The following KIF19 variants were observed in gnomAD, a reference collection of about 807,000 sequenced individuals.
KIF19 encodes the protein kinesin family member 19.
In KIF19, 98 loss-of-function variants were observed where a neutral mutation model predicts 106.6. The ratio of observed to expected loss-of-function variants is 0.92; its 90% CI spans 0.78 to 1.09. KIF19 has a LOEUF of 1.09. Ranked by LOEUF, KIF19 falls within the 50% of genes least tolerant of loss-of-function variation. The pLI is 0.00. For synonymous variants in KIF19, 516 were observed against 584.2 expected, an observed-to-expected ratio of 0.88 and a Z score of 1.68; for missense variants, 1,373 against 1,414.3, an observed-to-expected ratio of 0.97 and a Z score of 0.47.
At chr17:74,352,467 TC>T in intron 14 of KIF19, 127 bp downstream of exon 14, 1 of 1,217,428 alleles carries the variant, frequency 8.2e-7, no homozygotes, top group Non-Finnish European at 1.1e-6. Flanking sequence ...GGGAGTTGAC[TC>T]CCTTTCCTTC....
At chr17:74,342,869 C>T (rs1164877444) in intron 4 of KIF19, among the ~76,000 whole-genome samples, 152 bp downstream of exon 4, 7 of 152,136 alleles carry the variant, frequency 4.6e-5, no homozygotes, top group South Asian at 2.1e-4. Flanking sequence ...GGCCCCAACC[C>T]GAGCCGGGGC....
chr17:74,339,434 T>C (rs1162911840), intron 2 of KIF19, among the ~76,000 whole-genome samples: 1 of 151,870 alleles, frequency 6.6e-6, no homozygotes, highest in African/African-American at 2.4e-5. Flanking sequence ...GGGCTGCCCA[T>C]GCCCTACCTC....
intron 10 of KIF19, 105 bp downstream of exon 10, chr17:74,349,454 C>A: frequency 1.6e-6 from 2 of 1,245,438 alleles, no homozygotes; most frequent in Non-Finnish European, 2.2e-6. Context: ...CTCTTTCTGG[C>A]TGGGTGGTTG....
chr17:74,351,057 T>A, intron 12 of KIF19, 152 bp downstream of exon 12: 1 of 714,674 alleles, frequency 1.4e-6, no homozygotes, highest in Non-Finnish European at 2.4e-6. Context: ...CTCTTTAACT[T>A]CTCTATGCGT....
intron 8 of KIF19, 149 bp from the exon 9 acceptor site, chr17:74,347,628 G>C: frequency 1.2e-6 from 1 of 821,106 alleles, no homozygotes; most frequent in Non-Finnish European, 1.9e-6. Flanking sequence ...TTCCTCCCAA[G>C]CCTCACACCA....
chr17:74,342,980 CTCCCA>C, intron 4 of KIF19, 39 bp from the exon 5 acceptor site: 2 of 1,544,246 alleles, frequency 1.3e-6, no homozygotes, highest in Non-Finnish European at 1.7e-6. Context: ...CAAGGCCTCC[CTCCCA>C]GCCCCACCCC....
rs2054544671 is a variant in KIF19, at chr17:74,346,816, G to A, written c.924+292G>A. Among the ~76,000 whole-genome samples, 1 of 152,212 alleles carries A rather than the reference G, an allele frequency of 6.6e-6. No individual in the cohort carries two copies. Among genetic ancestry groups the A allele is most frequent in the African/African-American group, 2.4e-5 (1 of 41,458 alleles). On this transcript the variant is annotated intron_variant, in intron 8 of 19. Transcript: ENST00000389916. This position sits in a 1 kb window ranked among gnomAD's most constrained non-coding sequence, Gnocchi z 4.6. ...ACGTGATACCCCCACCCAGGGCTGT[G>A]GGTCAGAGCCGTCTAGATTTGGGGG... is the stretch of plus-strand genomic sequence containing the variant.
At chr17:74,335,378 AG>A (rs2054193856) in intron 2 of KIF19, among the ~76,000 whole-genome samples, 1 of 152,386 alleles carries the variant, frequency 6.6e-6, no homozygotes, top group South Asian at 2.1e-4. Context: ...TGATAAATGC[AG>A]CTGCAGCCTA....
rs2271536 is a variant in KIF19 at position 74,355,267 on chromosome 17, C to T, written c.2952C>T (p.His984=). 581,900 of 1,611,770 alleles carry T rather than the reference C, an allele frequency of 0.36. 107,541 individuals are homozygous for T. Among genetic ancestry groups the T allele is most frequent in the Middle Eastern group, 0.49 (2,938 of 6,046 alleles). The part of the protein sequence containing the change: ...RRATRGPRLP[H]GTSTHGKDGC... ...CTACCCGTGGGCCCCGCCTGCCCCA[C>T]GGCACAAGCACCCATGGCAAAGATG... The change falls in exon 20 of 20, where the codon CAC becomes CAT. Residue 984 remains histidine (H), a synonymous_variant. Transcript: ENST00000389916.
chr17:74,339,970 C>G (rs2054319389), intron 2 of KIF19, among the ~76,000 whole-genome samples: 1 of 152,166 alleles, frequency 6.6e-6, no homozygotes, highest in Non-Finnish European at 1.5e-5. Context: ...GGTGGCCACT[C>G]TCAGTCTCCA....
chr17:74,327,450 G>T (rs1015262691), intron 1 of KIF19, among the ~76,000 whole-genome samples: 3 of 152,232 alleles, frequency 2.0e-5, no homozygotes, highest in Non-Finnish European at 4.4e-5. Flanking sequence ...AGGTAGTGTA[G>T]TTCCCTCTGA....
In KIF19 at chr17:74,342,131, C is replaced by T. The variant is rs574815975; in HGVS notation, c.231+145C>T. ...CTCTGTTCCTTGAGCCTTCCCCATTCAGGAAGGTTCTCATGCACACAAGGC... is the reference window on the plus strand; with the variant it reads ...CTCTGTTCCTTGAGCCTTCCCCATTTAGGAAGGTTCTCATGCACACAAGGC... On this transcript the variant is annotated intron_variant, in intron 3 of 19. Transcript: ENST00000389916. 103 of 648,146 alleles carry T rather than the reference C, an allele frequency of 1.6e-4. 1 individual carries two copies. In the African/African-American group the frequency reaches 1.7e-3, roughly 11 times the overall value. 40.1% of individuals were successfully genotyped at this position (648,146 alleles called of 1,614,324 possible). A position where few individuals can be genotyped will look rare whatever the true frequency, so the allele number is the denominator to read the frequency against.
Position 74,349,031 on chromosome 17 carries a change from G to A in KIF19, c.1048-153G>A, listed in dbSNP as rs1325717298. The A allele has an allele frequency of 5.8e-6, 4 of 693,236 alleles. No individual in the cohort carries two copies. In the East Asian group the frequency reaches 1.1e-4, roughly 19 times the overall value. 42.9% of individuals were successfully genotyped at this position (693,236 alleles called of 1,614,324 possible). On this transcript the variant is annotated intron_variant, in intron 9 of 19. Coordinates refer to ENST00000389916, the MANE Select transcript of KIF19 (RefSeq NM_153209.4). ...AGGTTGATGAGATCTAGCAGTGAGT[G>A]TGACAGGAGGTTGTGGAAGTGGAGG...
intron 2 of KIF19, among the ~76,000 whole-genome samples, chr17:74,337,574 C>G (rs1222334319): frequency 6.6e-6 from 1 of 152,232 alleles, no homozygotes; most frequent in African/African-American, 2.4e-5. Context: ...GTCCGAAATT[C>G]TCTCTCCACT....
In KIF19 at chr17:74,326,342, C is replaced by T. The variant is rs1440763422; in HGVS notation, c.-8C>T. On this transcript the variant is annotated 5_prime_UTR_variant, in exon 1 of 20. Transcript: ENST00000389916. Reference sequence around the variant, plus strand: ...GGCGCGGCCTGAGCCCCTCCACCTGCTGCAATCATGAAGGACAGCGGGGAC... The same window carrying T: ...GGCGCGGCCTGAGCCCCTCCACCTGTTGCAATCATGAAGGACAGCGGGGAC... 1 of 1,611,226 alleles carries T rather than the reference C, an allele frequency of 6.2e-7. No homozygotes were observed. The highest frequency in any genetic ancestry group is 1.3e-5 in the African/African-American group (1 of 74,766).
chr17:74,340,949 T>TGG (rs113482479), intron 2 of KIF19, among the ~76,000 whole-genome samples: 2 of 152,054 alleles, frequency 1.3e-5, no homozygotes, highest in Non-Finnish European at 2.9e-5. Context: ...TGTGACGACC[T>TGG]GGGGGGTGTG....
At chr17:74,332,238 G>GTGTA (rs2054115832) in intron 2 of KIF19, among the ~76,000 whole-genome samples, 1 of 136,258 alleles carries the variant, frequency 7.3e-6, no homozygotes, top group Non-Finnish European at 1.6e-5. Flanking sequence ...GTGTGTGTGT[G>GTGTA]TGTGTGTTCC....
At chr17:74,339,899 C>T (rs993003249) in intron 2 of KIF19, among the ~76,000 whole-genome samples, 1 of 152,182 alleles carries the variant, frequency 6.6e-6, no homozygotes, top group African/African-American at 2.4e-5. Flanking sequence ...GTGACCTTCT[C>T]CACGGTGAGG....
At chr17:74,341,466 C>T (rs1188718270) in intron 2 of KIF19, among the ~76,000 whole-genome samples, 1 of 152,208 alleles carries the variant, frequency 6.6e-6, no homozygotes, top group Non-Finnish European at 1.5e-5. Flanking sequence ...GGGGCAGGCC[C>T]CCAGGGTCTG....
Sources: allele counts gnomAD v4.1 joint callset (sites outside exome capture counted in the v4.1 genomes callset), GRCh38; gene constraint gnomAD v4.1.1; non-coding constraint Gnocchi (gnomAD v3.1); transcripts MANE v1.5; gene names NCBI Gene and HGNC (gene_info 2026-07-23, HGNC 2026-07-21).